The following RANBP2 variants were observed in gnomAD, a reference collection of about 807,000 sequenced individuals.
The protein encoded by RANBP2 is RAN binding protein 2, also known as E3 SUMO-protein ligase RanBP2.
Under a neutral mutation model 303.6 loss-of-function variants are expected in RANBP2, and 57 were observed. The observed-to-expected ratio is 0.19, with a 90% CI of 0.15 to 0.23. The LOEUF (loss-of-function observed/expected upper bound fraction) is 0.23. RANBP2 is among the 10% of genes least tolerant of loss of function. The pLI, the probability that RANBP2 is intolerant of heterozygous loss-of-function variation, is 1.00. For synonymous variants in RANBP2, 1,167 were observed against 1,301.5 expected, an observed-to-expected ratio of 0.90 and a Z score of 2.23; for missense variants, 3,138 against 3,780.8, an observed-to-expected ratio of 0.83 and a Z score of 4.46.
chr2:108,737,648 A>G (rs1423623784), intron 6 of RANBP2, among the ~76,000 whole-genome samples: 1 of 149,034 alleles, frequency 6.7e-6, no homozygotes. Flanking sequence ...TCCTGGGTTC[A>G]AGTGATTCTC....
chr2:109,366,773 C>T, the RANBP2 span, among the ~76,000 whole-genome samples: 1,035 of 152,206 alleles, frequency 6.8e-3, 11 homozygotes, highest in African/African-American at 0.023. Context: ...GGACCACTTG[C>T]GCCTGGAAAG....
At chr2:109,420,051 TG>T in the RANBP2 span, among the ~76,000 whole-genome samples, 1 of 152,192 alleles carries the variant, frequency 6.6e-6, no homozygotes, top group Non-Finnish European at 1.5e-5. Context: ...TGCTTGGAAG[TG>T]GTTCTGTGTT....
At chr2:109,133,576 T>C in the RANBP2 span, among the ~76,000 whole-genome samples, 1 of 135,136 alleles carries the variant, frequency 7.4e-6, no homozygotes, top group African/African-American at 2.6e-5. Context: ...AAGACTAAGA[T>C]TTTCAAAGGA....
chr2:109,264,730 C>T, the RANBP2 span, among the ~76,000 whole-genome samples: 1 of 152,198 alleles, frequency 6.6e-6, no homozygotes, highest in Non-Finnish European at 1.5e-5. Context: ...TATCCTTAGC[C>T]AGTGCCCTTC....
chr2:109,215,335 A>C, the RANBP2 span, among the ~76,000 whole-genome samples: 2 of 152,200 alleles, frequency 1.3e-5, no homozygotes, highest in Non-Finnish European at 2.9e-5. Flanking sequence ...GATTAAAATC[A>C]GGAGAGTTGA....
the RANBP2 span, among the ~76,000 whole-genome samples, chr2:109,050,274 A>G: frequency 6.6e-6 from 1 of 151,812 alleles, no homozygotes; most frequent in Admixed American, 6.6e-5. Context: ...TTTTTTTTTA[A>G]ACAGGGTCTT....
chr2:108,788,534 G>T (rs1164411796), downstream of RANBP2, among the ~76,000 whole-genome samples: 2 of 151,422 alleles, frequency 1.3e-5, no homozygotes, highest in East Asian at 3.9e-4. Flanking sequence ...TAGCTAACAC[G>T]GTGAAACCCC....
chr2:109,148,218 A>G, the RANBP2 span, among the ~76,000 whole-genome samples: 1 of 152,158 alleles, frequency 6.6e-6, no homozygotes, highest in African/African-American at 2.4e-5. Flanking sequence ...ACTCAGGCAA[A>G]TTGGGTACCT....
chr2:109,361,003 A>T, the RANBP2 span, among the ~76,000 whole-genome samples: 1 of 152,120 alleles, frequency 6.6e-6, no homozygotes, highest in Non-Finnish European at 1.5e-5. Flanking sequence ...GTTCCCCTCT[A>T]TTTGTAGTTT....
At chr2:109,497,275 G>A in the RANBP2 span, among the ~76,000 whole-genome samples, 1 of 152,150 alleles carries the variant, frequency 6.6e-6, no homozygotes, top group African/African-American at 2.4e-5. Context: ...CACATTCCAT[G>A]GACTCAGGGG....
At chr2:108,980,528 A>C in the RANBP2 span, among the ~76,000 whole-genome samples, 1 of 152,132 alleles carries the variant, frequency 6.6e-6, no homozygotes, top group Non-Finnish European at 1.5e-5. Flanking sequence ...ATATTTACAT[A>C]TATATATTTA....
At chr2:109,646,004 G>A in the RANBP2 span, among the ~76,000 whole-genome samples, 1 of 152,208 alleles carries the variant, frequency 6.6e-6, no homozygotes, top group Non-Finnish European at 1.5e-5. Flanking sequence ...GGGAGCTAAA[G>A]TCAAAGGAAA....
At chr2:108,957,948 A>G in the RANBP2 span, among the ~76,000 whole-genome samples, 11 of 152,248 alleles carry the variant, frequency 7.2e-5, no homozygotes, top group Non-Finnish European at 1.2e-4. Flanking sequence ...TTAATTGCAC[A>G]GTTCCTGCAG....
the RANBP2 span, among the ~76,000 whole-genome samples, chr2:108,845,268 T>C: frequency 6.6e-6 from 1 of 152,220 alleles, no homozygotes. Flanking sequence ...TTAAATTAGA[T>C]TGCACTGCTT....
At chr2:109,692,195 C>A in the RANBP2 span, among the ~76,000 whole-genome samples, 1 of 151,958 alleles carries the variant, frequency 6.6e-6, no homozygotes, top group Admixed American at 6.6e-5. Context: ...AAAAGCCAGA[C>A]ACGAAAGGCC....
the RANBP2 span, among the ~76,000 whole-genome samples, chr2:109,412,149 G>A: frequency 6.6e-6 from 1 of 152,234 alleles, no homozygotes; most frequent in Non-Finnish European, 1.5e-5. Context: ...GTGAGCCTTC[G>A]GCCGCCGTGG....
At chr2:109,278,932 G>A in the RANBP2 span, among the ~76,000 whole-genome samples, 1 of 152,196 alleles carries the variant, frequency 6.6e-6, no homozygotes, top group Non-Finnish European at 1.5e-5. Flanking sequence ...GGCTCCGTGA[G>A]AATGTCTACT....
the RANBP2 span, among the ~76,000 whole-genome samples, chr2:108,797,423 A>G: frequency 2.6e-5 from 4 of 152,208 alleles, no homozygotes; most frequent in African/African-American, 9.7e-5. Context: ...ATTTAGTAAT[A>G]GGTAAGTCAT....
the RANBP2 span, among the ~76,000 whole-genome samples, chr2:109,675,500 A>G: frequency 6.6e-6 from 1 of 151,974 alleles, no homozygotes; most frequent in Non-Finnish European, 1.5e-5. Flanking sequence ...TGGCCAACAT[A>G]GTGAAACCCC....
Sources: gnomAD v4.1 joint callset for allele counts (sites outside exome capture counted in the v4.1 genomes callset) on GRCh38, gnomAD v4.1.1 for gene constraint, MANE v1.5 for transcripts, NCBI Gene and HGNC (gene_info 2026-07-23, HGNC 2026-07-21) for gene names.